The following MYO5C variants were observed in gnomAD, a reference collection of about 807,000 sequenced individuals.
The protein encoded by MYO5C is unconventional myosin-Vc.
In MYO5C, 194 loss-of-function variants were observed where a neutral mutation model predicts 235.7. That is an observed-to-expected ratio of 0.82 (90% CI 0.73 to 0.93). The LOEUF is 0.93. MYO5C is among the 40% of genes least tolerant of loss of function. The pLI, the probability that MYO5C is intolerant of heterozygous loss-of-function variation, is 0.00. For missense variants in MYO5C, 2,038 were observed against 2,127.2 expected, an observed-to-expected ratio of 0.96 and a Z score of 0.82; for synonymous variants, 707 against 754.8, an observed-to-expected ratio of 0.94 and a Z score of 1.04.
Position 52,221,203 on chromosome 15 carries a change from T to C in MYO5C, c.3680A>G (p.Asp1227Gly), listed in dbSNP as rs768794708. 5.0e-6 allele frequency: 8 copies of C among 1,613,438 alleles called. No homozygotes were observed. Among genetic ancestry groups the C allele is most frequent in the African/African-American group, 1.3e-5 (1 of 75,044 alleles). Residue 1227 changes from aspartate to glycine, a missense_variant, in exon 30 of 41, where the codon GAT (aspartate) becomes GGT (glycine). Coordinates refer to ENST00000261839, the MANE Select transcript of MYO5C (RefSeq NM_018728.4). ...QISELEKQKQ[D>G]LEIRLNEQAE... Reference sequence around the variant, plus strand: ...TTGTTCATTCAGGCGGATTTCAAGATCTTGCTTCTGTTTCTCCAATTCTGA... The same window carrying C: ...TTGTTCATTCAGGCGGATTTCAAGACCTTGCTTCTGTTTCTCCAATTCTGA...
intron 40 of MYO5C, 40 bp downstream of exon 40, chr15:52,195,337 T>G: frequency 7.5e-7 from 1 of 1,332,534 alleles, no homozygotes; most frequent in Non-Finnish European, 1.1e-6. Flanking sequence ...ATACCATAGT[T>G]AGGAAGTAAA....
chr15:52,213,120 C>T (rs945723077), intron 34 of MYO5C, 68 bp downstream of exon 34: 4 of 1,210,164 alleles, frequency 3.3e-6, no homozygotes, highest in Non-Finnish European at 4.9e-6. Flanking sequence ...CTGCCCAGGA[C>T]TTTGGCACTG....
At position 52,256,589 on chromosome 15, in the gene MYO5C, G is replaced by GCGCGCGCGCGCGCA. The variant is rs1555417671; in HGVS notation, c.1395+49_1395+50insTGCGCGCGCGCGCG. ...CACACACACACACACACACACACAC[G>GCGCGCGCGCGCGCA]CGCGCGCGCGCGGCTGAGAACTAGT... On this transcript the variant is annotated intron_variant, in intron 11 of 40. Coordinates refer to ENST00000261839, the MANE Select transcript of MYO5C (RefSeq NM_018728.4). The GCGCGCGCGCGCGCA allele has an allele frequency of 1.7e-4, 70 of 418,288 alleles. No individual in the cohort carries two copies. In the East Asian group the frequency reaches 2.8e-3, roughly 17 times the overall value. 25.9% of individuals were successfully genotyped at this position (418,288 alleles called of 1,614,324 possible).
chr15:52,259,326 A>G (rs903151541), intron 10 of MYO5C, among the ~76,000 whole-genome samples: 2 of 151,420 alleles, frequency 1.3e-5, no homozygotes, highest in Non-Finnish European at 2.9e-5. Context: ...AGGCTGAGAC[A>G]GGAGAATCGC....
chr15:52,282,197 A>C (rs916027935), intron 2 of MYO5C, among the ~76,000 whole-genome samples: 3 of 152,094 alleles, frequency 2.0e-5, no homozygotes, highest in Non-Finnish European at 4.4e-5. Flanking sequence ...GGCACCTCAT[A>C]ATGTCACACA....
At position 52,295,734 on chromosome 15, in the gene MYO5C, G is replaced by T; in HGVS notation, c.-98C>A. 1.2e-6 allele frequency: 1 copy of T among 808,744 alleles called. No homozygotes were observed. Among genetic ancestry groups the T allele is most frequent in the Non-Finnish European group, 1.7e-6 (1 of 575,816 alleles). The allele number at this position is 808,744 out of a possible 1,614,324, so 50.1% of individuals were successfully genotyped here. On this transcript the variant is annotated 5_prime_UTR_variant, in exon 1 of 41. Coordinates refer to ENST00000261839, the MANE Select transcript of MYO5C (RefSeq NM_018728.4). ...GGCCGGGCGCAGGAGAGACCGCCGCGGAAATCACCGCCGGGCCATCTTGCC... is the reference window on the plus strand; with the variant it reads ...GGCCGGGCGCAGGAGAGACCGCCGCTGAAATCACCGCCGGGCCATCTTGCC...
chr15:52,264,174 C>T lies in MYO5C; in HGVS notation c.1047+16G>A. 1 of 1,584,866 alleles carries T rather than the reference C, an allele frequency of 6.3e-7. No individual in the cohort carries two copies. The highest frequency in any genetic ancestry group is 8.7e-7 in the Non-Finnish European group (1 of 1,155,234). On this transcript the variant is annotated intron_variant, in intron 9 of 40. Transcript: ENST00000261839. ...ACCCTTAGACAAAGGAAAAGTAAAA[C>T]AAATGAGCATCTCACACTAACTGAG...
intron 18 of MYO5C, among the ~76,000 whole-genome samples, chr15:52,245,079 G>A (rs568037694): frequency 6.6e-6 from 1 of 152,346 alleles, no homozygotes; most frequent in African/African-American, 2.4e-5. Context: ...TATAAGCCTG[G>A]TCCACAGAGG....
At chr15:52,207,246 A>T (rs1480531912) in intron 36 of MYO5C, among the ~76,000 whole-genome samples, 1 of 152,244 alleles carries the variant, frequency 6.6e-6, no homozygotes, top group East Asian at 1.9e-4. Flanking sequence ...AAGCAGTCAG[A>T]CAGGGAAAAG....
intron 1 of MYO5C, among the ~76,000 whole-genome samples, chr15:52,289,009 C>T (rs2037334003): frequency 6.6e-6 from 1 of 152,220 alleles, no homozygotes; most frequent in Non-Finnish European, 1.5e-5. Context: ...GACTTGAAGA[C>T]TTATATGGAA....
chr15:52,295,486 G>A (rs2037481757), intron 1 of MYO5C, 124 bp downstream of exon 1: 1 of 1,162,666 alleles, frequency 8.6e-7, no homozygotes, highest in Admixed American at 4.1e-5. Flanking sequence ...CCCAGCGCGC[G>A]CCCGCCCGCC....
At chr15:52,286,190 C>T (rs1247436105) in intron 1 of MYO5C, among the ~76,000 whole-genome samples, 3 of 150,526 alleles carry the variant, frequency 2.0e-5, no homozygotes, top group South Asian at 2.1e-4. Flanking sequence ...AGAGTGTCTC[C>T]GCCCGGCAGC....
chr15:52,274,992 T>C (rs1410316154), intron 5 of MYO5C, among the ~76,000 whole-genome samples: 4 of 152,220 alleles, frequency 2.6e-5, no homozygotes, highest in Non-Finnish European at 5.9e-5. Flanking sequence ...GTGCCTCTTC[T>C]TCCTTGAGGG....
chr15:52,223,029 A>G (rs943550562), intron 29 of MYO5C, among the ~76,000 whole-genome samples: 3 of 151,872 alleles, frequency 2.0e-5, no homozygotes, highest in Admixed American at 6.6e-5. Flanking sequence ...GGCGCCTGTA[A>G]TCCCAGCTAC....
At chr15:52,267,603 T>C (rs554252590) in intron 8 of MYO5C, among the ~76,000 whole-genome samples, 4 of 152,262 alleles carry the variant, frequency 2.6e-5, no homozygotes, top group Admixed American at 1.3e-4. Flanking sequence ...GGAGAATTGC[T>C]TGAGTCCCGG....
intron 25 of MYO5C, among the ~76,000 whole-genome samples, chr15:52,227,519 A>G (rs1001276304): frequency 1.3e-5 from 2 of 151,978 alleles, no homozygotes; most frequent in Admixed American, 6.6e-5. Context: ...AATGGATCAC[A>G]TTGGAGAGTG....
intron 13 of MYO5C, among the ~76,000 whole-genome samples, chr15:52,250,247 TC>T (rs150208391): frequency 0.82 from 110,522 of 134,468 alleles, 45,266 homozygotes; most frequent in Middle Eastern, 0.88. Context: ...TTTTTCTTTT[TC>T]TTTTTTTTTT....
intron 23 of MYO5C, among the ~76,000 whole-genome samples, chr15:52,234,336 T>G (rs1378991294): frequency 6.6e-6 from 1 of 152,220 alleles, no homozygotes; most frequent in Non-Finnish European, 1.5e-5. Context: ...ATAATCAGTT[T>G]ATAAATATTA....
At chr15:52,235,065 T>A (rs751390820) in intron 23 of MYO5C, among the ~76,000 whole-genome samples, 1 of 152,188 alleles carries the variant, frequency 6.6e-6, no homozygotes, top group Non-Finnish European at 1.5e-5. Context: ...AAAGCTCAAA[T>A]GTGTAGAGCT....
Sources: gnomAD v4.1 joint callset for allele counts (sites outside exome capture counted in the v4.1 genomes callset) on GRCh38, gnomAD v4.1.1 for gene constraint, MANE v1.5 for transcripts, NCBI Gene and HGNC (gene_info 2026-07-23, HGNC 2026-07-21) for gene names.